Variants in MRPS31 observed in about 807,000 individuals in gnomAD.
MRPS31 encodes small ribosomal subunit protein mS31.
In MRPS31, 32 loss-of-function variants were observed where a neutral mutation model predicts 43.1. The ratio of observed to expected loss-of-function variants is 0.74; its 90% CI spans 0.56 to 1.00. The LOEUF (loss-of-function observed/expected upper bound fraction) is 1.00, where lower values mean the gene tolerates loss of function less well. Among genes scored for constraint, MRPS31 ranks in the 50% least tolerant of loss-of-function variants. The probability of loss-of-function intolerance (pLI) is 0.00; values close to 1 mark genes in which losing one functional copy is unlikely to be tolerated. For synonymous variants in MRPS31, 165 were observed against 161.6 expected, an observed-to-expected ratio of 1.02 and a Z score of -0.16; for missense variants, 437 against 466.7, an observed-to-expected ratio of 0.94 and a Z score of 0.59.
chr13:40,735,693 T>C (rs1337993356), intron 6 of MRPS31, among the ~76,000 whole-genome samples: 1 of 151,902 alleles, frequency 6.6e-6, no homozygotes, highest in African/African-American at 2.4e-5. Flanking sequence ...CACTGCAGGG[T>C]ACTCCAACAG....
chr13:40,763,053 T>C (rs558307533), intron 2 of MRPS31, among the ~76,000 whole-genome samples: 1 of 152,238 alleles, frequency 6.6e-6, no homozygotes, highest in Admixed American at 6.5e-5. Flanking sequence ...ATCAATTAAG[T>C]GAGTAATAGT....
chr13:40,752,707 C>T (rs150458126), intron 5 of MRPS31, among the ~76,000 whole-genome samples: 3 of 151,874 alleles, frequency 2.0e-5, no homozygotes, highest in Non-Finnish European at 2.9e-5. Context: ...TTTGGAGGCC[C>T]GCCTAGGAAC....
chr13:40,746,987 C>A (rs577731979), intron 6 of MRPS31, among the ~76,000 whole-genome samples: 2 of 152,304 alleles, frequency 1.3e-5, no homozygotes, highest in African/African-American at 4.8e-5. Flanking sequence ...CTGTAACTTA[C>A]TCAGGATCTG....
chr13:40,731,991 A>T (rs1331964491), intron 6 of MRPS31, among the ~76,000 whole-genome samples: 2 of 152,264 alleles, frequency 1.3e-5, no homozygotes, highest in African/African-American at 2.4e-5. Flanking sequence ...AAAAGAGAGC[A>T]ATAAAGAGGG....
At chr13:40,748,994 C>T (rs1880314960) in intron 6 of MRPS31, 144 bp downstream of exon 6, 2 of 731,194 alleles carry the variant, frequency 2.7e-6, no homozygotes, top group East Asian at 6.3e-5. Context: ...TTTTAAAAAA[C>T]CTTGTCAGAT....
intron 5 of MRPS31, among the ~76,000 whole-genome samples, chr13:40,753,081 C>T (rs1439280302): frequency 6.6e-6 from 1 of 152,128 alleles, no homozygotes; most frequent in African/African-American, 2.4e-5. Context: ...CACTAGAGAC[C>T]ATTTGTATTA....
At chr13:40,750,747 T>TATAC (rs1252372892) in intron 5 of MRPS31, among the ~76,000 whole-genome samples, 1 of 75,492 alleles carries the variant, frequency 1.3e-5, no homozygotes, top group Admixed American at 1.7e-4. Flanking sequence ...CCATTTTATA[T>TATAC]ATATATATAT....
intron 1 of MRPS31, among the ~76,000 whole-genome samples, chr13:40,768,477 A>T (rs1880911893): frequency 1.3e-5 from 2 of 151,862 alleles, no homozygotes; most frequent in African/African-American, 4.8e-5. Context: ...TCTGTCAGAC[A>T]GGCTGGAGTG....
At position 40,766,824 on chromosome 13, in the gene MRPS31, G is replaced by A; in HGVS notation, c.362C>T (p.Pro121Leu). ...CAAACTTTTAAGTGGTCTTCTTTTGGGGGGCTTTGTTGTTCGTACATTTAC... is the reference window on the plus strand; with the variant it reads ...CAAACTTTTAAGTGGTCTTCTTTTGAGGGGCTTTGTTGTTCGTACATTTAC... ...STVNVRTTKPPKRRPLKSLEA... is the reference protein window; with the variant it reads ...STVNVRTTKPLKRRPLKSLEA... The change falls in exon 2 of 7, where the codon CCC (proline) becomes CTC (leucine). Residue 121 changes from proline to leucine, a missense_variant. By Grantham distance (98) the Pro-to-Leu change is moderately conservative. Coordinates refer to ENST00000323563, the MANE Select transcript of MRPS31 (RefSeq NM_005830.4). The A allele has an allele frequency of 6.2e-7, 1 of 1,613,990 alleles. No individual in the cohort carries two copies. The highest frequency in any genetic ancestry group is 1.7e-5 in the Admixed American group (1 of 60,004).
At chr13:40,751,470 G>C (rs933530639) in intron 5 of MRPS31, among the ~76,000 whole-genome samples, 1 of 151,964 alleles carries the variant, frequency 6.6e-6, no homozygotes, top group Non-Finnish European at 1.5e-5. Flanking sequence ...TTTGAATCCA[G>C]TTCTACACAA....
At chr13:40,758,359 A>T (rs1418435640) in intron 3 of MRPS31, among the ~76,000 whole-genome samples, 1 of 152,148 alleles carries the variant, frequency 6.6e-6, no homozygotes, top group Non-Finnish European at 1.5e-5. Flanking sequence ...ACACATGGCC[A>T]TTTCTTTTAA....
chr13:40,739,649 T>C (rs1380365257), intron 6 of MRPS31, among the ~76,000 whole-genome samples: 1 of 152,066 alleles, frequency 6.6e-6, no homozygotes, highest in Non-Finnish European at 1.5e-5. Context: ...TCTACAACTA[T>C]CTGATCTTTG....
At chr13:40,730,296 C>T (rs536386193) in intron 6 of MRPS31, among the ~76,000 whole-genome samples, 25 of 151,600 alleles carry the variant, frequency 1.6e-4, no homozygotes, top group African/African-American at 4.3e-4. Context: ...GCGAGGCAGG[C>T]GGCTCACTCA....
chr13:40,770,124 T>G (rs1180385364), intron 1 of MRPS31, among the ~76,000 whole-genome samples: 1 of 152,196 alleles, frequency 6.6e-6, no homozygotes, highest in Non-Finnish European at 1.5e-5. Context: ...CAGTTGAAAT[T>G]TTTGCTATCT....
In MRPS31 at chr13:40,771,184, C is replaced by A. The variant is rs907057644; in HGVS notation, c.-48G>T. ...AGAACACAACTGAAATGGTGCGTCC[C>A]GCTGCCAAACACGTCCCCGCCCTCT... On this transcript the variant is annotated 5_prime_UTR_variant, in exon 1 of 7. Coordinates refer to ENST00000323563, the MANE Select transcript of MRPS31 (RefSeq NM_005830.4). 1 of 1,538,890 alleles carries A rather than the reference C, an allele frequency of 6.5e-7. No individual in the cohort carries two copies. The highest frequency in any genetic ancestry group is 8.8e-7 in the Non-Finnish European group (1 of 1,138,272).
chr13:40,740,924 C>T (rs1880069323), intron 6 of MRPS31, among the ~76,000 whole-genome samples: 1 of 145,340 alleles, frequency 6.9e-6, no homozygotes, highest in South Asian at 2.2e-4. Flanking sequence ...TACCCTAAAA[C>T]TTAAAGTATA....
At chr13:40,747,446 C>G (rs9577137) in intron 6 of MRPS31, among the ~76,000 whole-genome samples, 1 of 152,182 alleles carries the variant, frequency 6.6e-6, no homozygotes, top group Non-Finnish European at 1.5e-5. Context: ...AGGGCTGCTA[C>G]TCAGGTTTGT....
intron 6 of MRPS31, among the ~76,000 whole-genome samples, chr13:40,745,598 A>G (rs1343811439): frequency 1.3e-5 from 2 of 152,208 alleles, no homozygotes; most frequent in Non-Finnish European, 2.9e-5. Flanking sequence ...TATCACAGAT[A>G]GATGTTTTGC....
chr13:40,737,490 G>C (rs997848011), intron 6 of MRPS31, among the ~76,000 whole-genome samples: 1 of 151,810 alleles, frequency 6.6e-6, no homozygotes, highest in African/African-American at 2.4e-5. Flanking sequence ...ATTTTTTTCA[G>C]CACCACACCA....
Sources: gnomAD v4.1 joint callset for allele counts (sites outside exome capture counted in the v4.1 genomes callset) on GRCh38, gnomAD v4.1.1 for gene constraint, MANE v1.5 for transcripts, NCBI Gene and HGNC (gene_info 2026-07-23, HGNC 2026-07-21) for gene names.